MADD: variants seen among roughly 807,000 people sequenced by gnomAD.
MADD encodes MAP kinase-activating death domain protein.
Under a neutral mutation model 176.7 loss-of-function variants are expected in MADD, and 109 were observed. That is an observed-to-expected ratio of 0.62 (90% CI 0.53 to 0.72). The LOEUF (loss-of-function observed/expected upper bound fraction) is 0.72, where lower values mean the gene tolerates loss of function less well. Among genes scored for constraint, MADD ranks in the 30% least tolerant of loss-of-function variants. The pLI is 0.00. For synonymous variants in MADD, 771 were observed against 771.3 expected (o/e 1.00, Z 0.01); for missense variants, 1,914 against 2,045.5 (o/e 0.94, Z 1.24).
exon 17 of MADD, chr11:47,289,882 C>T (rs920072743): frequency 5.6e-6 from 9 of 1,613,542 alleles, no homozygotes; most frequent in Non-Finnish European, 5.9e-6. Context: ...ACCAGCAGTT[C>T]CTGAAGGAGG....
At chr11:47,307,708 A>T (rs542155255) in intron 22 of MADD, among the ~76,000 whole-genome samples, 4 of 151,004 alleles carry the variant, frequency 2.6e-5, no homozygotes, top group Non-Finnish European at 4.4e-5. Flanking sequence ...TCACTCTGTC[A>T]CCCAAGCTGG....
rs145996352 is a variant in MADD, at chr11:47,274,985, G to A, written c.485G>A (p.Arg162Gln). 79 of 1,614,122 alleles carry A rather than the reference G, an allele frequency of 4.9e-5. 1 individual carries two copies. The African/African-American group carries it at 6.7e-4, about 14-fold the overall frequency. Residue 162 changes from arginine (R) to glutamine (Q), a missense_variant, in exon 3 of 33, where the codon CGG (arginine) becomes CAG (glutamine). Physicochemically the swap from Arg to Gln is conservative, Grantham distance 43. This residue lies in a region of MADD where 1,767 missense variants were observed against 1,836.0 expected (regional missense o/e 0.96). Coordinates refer to ENST00000402192, the Ensembl canonical transcript of MADD. Reference sequence around the variant, plus strand: ...AACCAGTCTCCTCGGGGCAAACGCCGGGCCAAGGCGGGGAGCCGCTCCCGC... The same window carrying A: ...AACCAGTCTCCTCGGGGCAAACGCCAGGCCAAGGCGGGGAGCCGCTCCCGC...
In MADD at chr11:47,285,518, C is replaced by T. The variant is rs770606796; in HGVS notation, c.2479C>T (p.Arg827Trp). The T allele has an allele frequency of 1.4e-5, 23 of 1,614,052 alleles. No individual in the cohort carries two copies. The East Asian group carries it at 3.6e-4, about 25-fold the overall frequency. Reference sequence around the variant, plus strand: ...TGACTCAGATGCAGAGTCAGACTCTCGGGCAAGCTCTCCCAACTCCACCGT... The same window carrying T: ...TGACTCAGATGCAGAGTCAGACTCTTGGGCAAGCTCTCCCAACTCCACCGT... Residue 827 changes from arginine (R) to tryptophan (W), a missense_variant, in exon 14 of 33, where the codon CGG becomes TGG. This residue lies in a region of MADD where 1,767 missense variants were observed against 1,836.0 expected (regional missense o/e 0.96). Transcript: ENST00000402192.
intron 22 of MADD, among the ~76,000 whole-genome samples, chr11:47,298,697 T>C (rs2075174445): frequency 6.6e-6 from 1 of 152,156 alleles, no homozygotes; most frequent in African/African-American, 2.4e-5. Flanking sequence ...TATAATCCTG[T>C]TTTTGCTTTT....
chr11:47,278,035 A>G (rs974738038), intron 5 of MADD, 130 bp from the exon 6 acceptor site: 22 of 671,854 alleles, frequency 3.3e-5, no homozygotes, highest in Non-Finnish European at 5.6e-5. Context: ...TGAATTTTCA[A>G]ATACATCTGG....
rs531882904 is a variant in MADD at position 47,277,642 on chromosome 11, A to C, written c.1096-523A>C. The stretch of plus-strand genomic sequence containing the variant: ...TTCTCTTTGGCATATCCCAATTGCC[A>C]GCATCAGTACCCTTGTGCTTTGGGG... On this transcript the variant is annotated intron_variant, in intron 5 of 32. Coordinates refer to ENST00000402192, the Ensembl canonical transcript of MADD. Among the ~76,000 whole-genome samples the C allele has an allele frequency of 2.4e-3, 361 of 152,324 alleles. 2 individuals are homozygous for C. Among genetic ancestry groups the C allele is most frequent in the Middle Eastern group, 0.01 (3 of 294 alleles).
chr11:47,328,431 G>A, intron 31 of MADD: 4 of 1,431,518 alleles, frequency 2.8e-6, no homozygotes, highest in Non-Finnish European at 3.6e-6. Context: ...CACTGCGGAT[G>A]ACAGAGGCCT....
intron 22 of MADD, 36 bp downstream of exon 24, chr11:47,296,091 T>TTTGTTTA: frequency 6.2e-7 from 1 of 1,603,290 alleles, no homozygotes; most frequent in South Asian, 1.1e-5. Flanking sequence ...AAACCATTTC[T>TTTGTTTA]TTAATGGGGG....
intron 22 of MADD, among the ~76,000 whole-genome samples, chr11:47,304,827 T>C (rs1163600309): frequency 6.6e-6 from 1 of 152,290 alleles, no homozygotes; most frequent in East Asian, 1.9e-4. Flanking sequence ...GTTTCTTATG[T>C]CTCTGTGTTG....
chr11:47,295,030 A>C (rs1241061252), intron 20 of MADD, among the ~76,000 whole-genome samples: 1 of 134,188 alleles, frequency 7.5e-6, no homozygotes, highest in Non-Finnish European at 1.6e-5. Context: ...TTTTTTTTTG[A>C]GACAGGGTCT....
rs1288573333 is a variant in MADD at position 47,284,652 on chromosome 11, T to G, written c.2157+87T>G. ...GAAAGCCAGGCTGTAGCTATTCATTTGCTGCTTCTCACACAATTTTCTCAT... is the reference window on the plus strand; with the variant it reads ...GAAAGCCAGGCTGTAGCTATTCATTGGCTGCTTCTCACACAATTTTCTCAT... On this transcript the variant is annotated intron_variant, in intron 12 of 32. Transcript: ENST00000402192. The G allele has an allele frequency of 2.0e-6, 3 of 1,482,244 alleles. No homozygotes were observed. The African/African-American group carries it at 4.2e-5, about 21-fold the overall frequency. The allele number at this position is 1,482,244 out of a possible 1,614,324, so 91.8% of individuals were successfully genotyped here.
At chr11:47,323,735 A>G in exon 28 of MADD, 4 of 1,614,178 alleles carry the variant, frequency 2.5e-6, no homozygotes, top group Non-Finnish European at 3.4e-6. Flanking sequence ...TGGTGGTACG[A>G]GAAGCTCATC....
intron 27 of MADD, among the ~76,000 whole-genome samples, chr11:47,317,168 T>G (rs1271528886): frequency 6.6e-6 from 1 of 152,246 alleles, no homozygotes; most frequent in Non-Finnish European, 1.5e-5. Context: ...CCATTGGTTT[T>G]ATGGCTACAT....
chr11:47,282,583 C>T, exon 9 of MADD: 4 of 1,614,168 alleles, frequency 2.5e-6, no homozygotes, highest in Non-Finnish European at 3.4e-6. Context: ...GATCCTTAAC[C>T]CCACCAACTA....
intron 22 of MADD, among the ~76,000 whole-genome samples, chr11:47,296,882 C>T (rs2072821992): frequency 6.6e-6 from 1 of 151,416 alleles, no homozygotes; most frequent in South Asian, 2.1e-4. Flanking sequence ...TCAAGTGATC[C>T]TCCCACCTCA....
intron 26 of MADD, among the ~76,000 whole-genome samples, chr11:47,313,540 G>A (rs567032847): frequency 6.6e-6 from 1 of 151,264 alleles, no homozygotes; most frequent in Non-Finnish European, 1.5e-5. Flanking sequence ...CCCAGGCTGT[G>A]GTCTTGAACT....
At chr11:47,274,496 C>T (rs2048019561) in intron 2 of MADD, 67 bp from the exon 3 acceptor site, 1 of 1,257,862 alleles carries the variant, frequency 8.0e-7, no homozygotes, top group African/African-American at 1.5e-5. Context: ...TATTTGTTGA[C>T]TGTGGTTAAA....
intron 26 of MADD, 77 bp from the exon 30 acceptor site, chr11:47,315,143 G>T (rs2092354251): frequency 7.4e-6 from 6 of 809,528 alleles, no homozygotes; most frequent in Non-Finnish European, 8.6e-6. Context: ...GAATTTGATT[G>T]CTGGATGGGG....
intron 19 of MADD, among the ~76,000 whole-genome samples, 159 bp from the exon 22 acceptor site, chr11:47,293,724 C>T (rs1168117681): frequency 1.3e-5 from 2 of 152,106 alleles, no homozygotes; most frequent in African/African-American, 4.8e-5. Context: ...CATCTGGGGT[C>T]CTCTTTTTCC....
Sources: allele counts gnomAD v4.1 joint callset (sites outside exome capture counted in the v4.1 genomes callset), GRCh38; gene constraint gnomAD v4.1.1; regional missense constraint gnomAD v4.1.1; transcripts MANE v1.5; gene names NCBI Gene and HGNC (gene_info 2026-07-23, HGNC 2026-07-21).